The following ZNF723 variants were observed in gnomAD, a reference collection of about 807,000 sequenced individuals.
The protein encoded by ZNF723 is zinc finger protein 723.
ZNF723 carries 5 observed loss-of-function variants against 9.4 expected under a neutral mutation model. That is an observed-to-expected ratio of 0.53 (90% confidence interval 0.28 to 1.12). The LOEUF is 1.12. ZNF723 is among the 50% of genes most tolerant of loss of function. ZNF723 has a pLI of 0.10. For synonymous variants in ZNF723, 158 were observed against 168.8 expected (o/e 0.94, Z 0.49); for missense variants, 450 against 501.5 (o/e 0.90, Z 0.98).
chr19:22,844,604 G>A (rs1268521930), intron 1 of ZNF723, among the ~76,000 whole-genome samples: 1 of 152,122 alleles, frequency 6.6e-6, no homozygotes, highest in African/African-American at 2.4e-5. Flanking sequence ...CCAAATGTAG[G>A]CTTATTCAGG....
At chr19:22,816,261 G>A in the ZNF723 span, among the ~76,000 whole-genome samples, 1 of 152,074 alleles carries the variant, frequency 6.6e-6, no homozygotes, top group East Asian at 1.9e-4. Context: ...TCATTCTTCT[G>A]GATAAACACA....
At chr19:22,853,081 T>A (rs1159417220) in intron 3 of ZNF723, among the ~76,000 whole-genome samples, 1 of 151,866 alleles carries the variant, frequency 6.6e-6, no homozygotes, top group Non-Finnish European at 1.5e-5. Context: ...TGGCTTTCAG[T>A]AAAAACTGTA....
In ZNF723 at chr19:22,857,110, T is replaced by A. The variant is rs1967489510; in HGVS notation, c.227-8T>A. On this transcript the variant is annotated splice_polypyrimidine_tract_variant and splice_region_variant and intron_variant, in intron 3 of 3. Coordinates refer to ENST00000600766, the MANE Select transcript of ZNF723 (RefSeq NM_001349726.2). The stretch of plus-strand genomic sequence containing the variant: ...GATGAAGTAATTTGTTATTTCTATT[T>A]TTTTCAGTTGTGTGTTCTCATTTTG... The A allele has an allele frequency of 7.7e-6, 7 of 904,174 alleles. No individual in the cohort carries two copies. In the South Asian group the frequency reaches 1.5e-4, roughly 20 times the overall value. 56.0% of individuals were successfully genotyped at this position (904,174 alleles called of 1,614,324 possible).
chr19:22,834,090 A>G (rs1010299267), intron 1 of ZNF723, among the ~76,000 whole-genome samples: 1 of 149,994 alleles, frequency 6.7e-6, no homozygotes, highest in Non-Finnish European at 1.5e-5. Flanking sequence ...TAATTTTTGT[A>G]TTTTTAGTGG....
intron 1 of ZNF723, among the ~76,000 whole-genome samples, chr19:22,839,434 T>C (rs1967210071): frequency 6.6e-6 from 1 of 151,316 alleles, no homozygotes; most frequent in African/African-American, 2.4e-5. Context: ...TACTCCTTTA[T>C]CTCCACAACC....
intron 1 of ZNF723, among the ~76,000 whole-genome samples, chr19:22,843,719 A>C (rs747581260): frequency 1.3e-5 from 2 of 152,204 alleles, no homozygotes; most frequent in Non-Finnish European, 2.9e-5. Context: ...ACCTGAAGGG[A>C]TATTTATGAA....
intron 1 of ZNF723, 85 bp downstream of exon 1, chr19:22,832,467 C>T (rs1457164141): frequency 1.8e-5 from 23 of 1,260,764 alleles, no homozygotes; most frequent in Non-Finnish European, 2.3e-5. Context: ...ACTCAGGCCT[C>T]CCTGCTGTCA....
intron 1 of ZNF723, among the ~76,000 whole-genome samples, chr19:22,842,518 T>C (rs1967261366): frequency 6.6e-6 from 1 of 152,184 alleles, no homozygotes; most frequent in South Asian, 2.1e-4. Flanking sequence ...TCTTTTTGCC[T>C]TTTCAGATCA....
chr19:22,850,459 G>A lies in ZNF723; in HGVS notation c.226+1166G>A, dbSNP rs147146750. Among the ~76,000 whole-genome samples, 1,458 of 149,020 alleles carry A rather than the reference G, an allele frequency of 9.8e-3. 21 individuals are homozygous for A. Among genetic ancestry groups the A allele is most frequent in the African/African-American group, 0.034 (1,365 of 40,614 alleles). On this transcript the variant is annotated intron_variant, in intron 3 of 3. Coordinates refer to ENST00000600766, the MANE Select transcript of ZNF723 (RefSeq NM_001349726.2). ...TGACATCAGGTGATCGGCCCACGTC[G>A]GCCTCCCAAAGTGCTGGGATCACAG...
At chr19:22,848,409 A>C in intron 2 of ZNF723, 22 bp downstream of exon 2, 1 of 1,336,932 alleles carries the variant, frequency 7.5e-7, no homozygotes, top group Non-Finnish European at 1.1e-6. Context: ...TTCAATACAC[A>C]ATCCTCAGAT....
intron 3 of ZNF723, among the ~76,000 whole-genome samples, chr19:22,854,988 A>G (rs933510313): frequency 6.6e-6 from 1 of 152,116 alleles, no homozygotes; most frequent in Non-Finnish European, 1.5e-5. Context: ...TGGAGGTCAC[A>G]GTGAGCTGAG....
upstream of ZNF723, among the ~76,000 whole-genome samples, chr19:22,827,996 C>G (rs757777572): frequency 6.6e-6 from 1 of 152,042 alleles, no homozygotes. Flanking sequence ...AGGAGAATCA[C>G]TTGAACCCGG....
intron 1 of ZNF723, among the ~76,000 whole-genome samples, chr19:22,836,482 T>C (rs1181991074): frequency 1.3e-5 from 2 of 152,090 alleles, no homozygotes; most frequent in Non-Finnish European, 1.5e-5. Context: ...CTTTCTTCCA[T>C]AGGAAGGAGC....
chr19:22,844,406 G>A (rs1217566892), intron 1 of ZNF723, among the ~76,000 whole-genome samples: 2 of 152,148 alleles, frequency 1.3e-5, no homozygotes, highest in Non-Finnish European at 2.9e-5. Context: ...AACAGAAACA[G>A]AAGATGAAAT....
At chr19:22,853,071 T>G (rs959471667) in intron 3 of ZNF723, among the ~76,000 whole-genome samples, 1 of 152,158 alleles carries the variant, frequency 6.6e-6, no homozygotes, top group African/African-American at 2.4e-5. Flanking sequence ...TTTTAGTTAT[T>G]GGCTTTCAGT....
At chr19:22,851,347 T>C (rs2145226671) in intron 3 of ZNF723, among the ~76,000 whole-genome samples, 1 of 152,122 alleles carries the variant, frequency 6.6e-6, no homozygotes, top group South Asian at 2.1e-4. Context: ...AATTTTTCTA[T>C]TTTTAGTAGA....
At chr19:22,836,066 A>T (rs926247684) in intron 1 of ZNF723, among the ~76,000 whole-genome samples, 2 of 149,358 alleles carry the variant, frequency 1.3e-5, no homozygotes, top group East Asian at 3.9e-4. Flanking sequence ...TAAATAACTG[A>T]CATAAAAATT....
chr19:22,814,225 T>C, the ZNF723 span, among the ~76,000 whole-genome samples: 1 of 152,214 alleles, frequency 6.6e-6, no homozygotes, highest in South Asian at 2.1e-4. Flanking sequence ...GATGCACTCA[T>C]AGGTTTATAC....
chr19:22,853,463 T>C (rs1967426304), intron 3 of ZNF723, among the ~76,000 whole-genome samples: 1 of 152,094 alleles, frequency 6.6e-6, no homozygotes, highest in East Asian at 1.9e-4. Context: ...TTCTCCAGAG[T>C]GTGCTGTTTA....
Sources: gnomAD v4.1 joint callset for allele counts (sites outside exome capture counted in the v4.1 genomes callset) on GRCh38, gnomAD v4.1.1 for gene constraint, MANE v1.5 for transcripts, NCBI Gene and HGNC (gene_info 2026-07-23, HGNC 2026-07-21) for gene names.